NRXN1: variants seen among roughly 807,000 people sequenced by gnomAD.
NRXN1 encodes neurexin 1.
NRXN1 carries 39 observed loss-of-function variants against 150.9 expected under a neutral mutation model. The ratio of observed to expected loss-of-function variants is 0.26; its 90% confidence interval spans 0.20 to 0.34. The LOEUF (loss-of-function observed/expected upper bound fraction) is 0.34. NRXN1 is among the 10% of genes least tolerant of loss of function. The pLI is 1.00. For synonymous variants in NRXN1, 924 were observed against 757.0 expected (o/e 1.22, Z -3.62); for missense variants, 1,815 against 1,949.9 (o/e 0.93, Z 1.30).
rs1553513456 is a variant in NRXN1, at chr2:50,373,679, A to AAAGAAGGAAAG, written c.3364+91762_3364+91763insCTTTCCTTCTT. Among the ~76,000 whole-genome samples, 61 of 65,648 alleles carry AAAGAAGGAAAG rather than the reference A, an allele frequency of 9.3e-4. 1 individual carries two copies. The highest frequency in any genetic ancestry group is 3.5e-3 in the African/African-American group (58 of 16,626). The allele number at this position is 65,648 out of a possible 152,430, so 43.1% of individuals were successfully genotyped here. ...GAAAGAAAGAAAGAAAGAAAGAAAG[A>AAAGAAGGAAAG]AAAGAAAGAAGGAAAGAAAGAAAGA... is the stretch of plus-strand genomic sequence containing the variant. On this transcript the variant is annotated intron_variant, in intron 17 of 22. Transcript: ENST00000401669.
At chr2:50,438,437 C>A (rs1359071340) in intron 17 of NRXN1, among the ~76,000 whole-genome samples, 2 of 151,966 alleles carry the variant, frequency 1.3e-5, no homozygotes, top group Admixed American at 1.3e-4. Flanking sequence ...TGCACTGGAA[C>A]TGGGGGGAGT....
At chr2:50,467,922 G>C (rs1056954939) in intron 16 of NRXN1, among the ~76,000 whole-genome samples, 1 of 151,420 alleles carries the variant, frequency 6.6e-6, no homozygotes, top group Non-Finnish European at 1.5e-5. Flanking sequence ...TTTAATTTTT[G>C]TTCCAAACTG....
chr2:50,556,471 G>T (rs1304770093), intron 8 of NRXN1, among the ~76,000 whole-genome samples: 1 of 147,434 alleles, frequency 6.8e-6, no homozygotes, highest in African/African-American at 2.5e-5. Context: ...ATTTGGATCT[G>T]TTTATAGAAC....
intron 18 of NRXN1, among the ~76,000 whole-genome samples, chr2:50,133,429 T>C (rs919538078): frequency 6.6e-6 from 1 of 152,202 alleles, no homozygotes; most frequent in African/African-American, 2.4e-5. Flanking sequence ...GAAATAATTG[T>C]GCTTATAACA....
intron 5 of NRXN1, among the ~76,000 whole-genome samples, chr2:50,845,105 A>G (rs1673449592): frequency 6.6e-6 from 1 of 152,020 alleles, no homozygotes; most frequent in South Asian, 2.1e-4. Flanking sequence ...ATCCTCCCTC[A>G]TCAGCCTCCC....
chr2:50,653,930 A>G (rs1333567793), intron 5 of NRXN1, among the ~76,000 whole-genome samples: 7 of 148,440 alleles, frequency 4.7e-5, no homozygotes, highest in Admixed American at 4.7e-4. Flanking sequence ...GCATACAGGT[A>G]GAATCTCACT....
At chr2:50,036,648 G>A (rs1690089596) in intron 21 of NRXN1, among the ~76,000 whole-genome samples, 2 of 152,062 alleles carry the variant, frequency 1.3e-5, no homozygotes, top group South Asian at 2.1e-4. Context: ...TACAAACATG[G>A]CCAAAATTCT....
At chr2:50,072,512 G>T (rs1390491588) in intron 19 of NRXN1, among the ~76,000 whole-genome samples, 1 of 142,416 alleles carries the variant, frequency 7.0e-6, no homozygotes, top group Non-Finnish European at 1.5e-5. Context: ...TTTATCCTTA[G>T]GAACTGCCTA....
chr2:50,059,101 A>T (rs1694089577), intron 19 of NRXN1, among the ~76,000 whole-genome samples: 1 of 152,224 alleles, frequency 6.6e-6, no homozygotes, highest in Non-Finnish European at 1.5e-5. Context: ...AGACAAAGAC[A>T]GGAAGATGTG....
intron 21 of NRXN1, among the ~76,000 whole-genome samples, chr2:49,988,074 C>G (rs2152516504): frequency 6.6e-6 from 1 of 152,114 alleles, no homozygotes; most frequent in East Asian, 1.9e-4. Context: ...CACTTAGTAA[C>G]TTGGAAATGA....
intron 18 of NRXN1, among the ~76,000 whole-genome samples, chr2:50,113,439 T>C (rs1702635196): frequency 6.6e-6 from 1 of 152,334 alleles, no homozygotes; most frequent in South Asian, 2.1e-4. Flanking sequence ...TGAATTAATA[T>C]CTGCTTTTCT....
Position 50,538,615 on chromosome 2 carries a change from A to G in NRXN1, c.1781T>C (p.Leu594Ser), listed in dbSNP as rs766605623. The change falls in exon 10 of 23, where the codon TTG (leucine) becomes TCG (serine). Residue 594 changes from leucine (L) to serine (S), a missense_variant. Leu to Ser is a moderately radical substitution (Grantham distance 145, BLOSUM62 -2). Coordinates refer to ENST00000401669, the MANE Select transcript of NRXN1 (RefSeq NM_001330078.2). ...ACCAGGAGCAGTGTAGGGAGTACGC[A>G]ACGTGTTGACAGAAATGGTACCTAT... ...GRSGTISVNT[L>S]RTPYTAPGES... 1 of 1,499,382 alleles carries G rather than the reference A, an allele frequency of 6.7e-7. No individual in the cohort carries two copies. The highest frequency in any genetic ancestry group is 8.9e-7 in the Non-Finnish European group (1 of 1,122,724). 92.9% of individuals were successfully genotyped at this position (1,499,382 alleles called of 1,614,324 possible). A position where few individuals can be genotyped will look rare whatever the true frequency, so the allele number is the denominator to read the frequency against.
intron 5 of NRXN1, among the ~76,000 whole-genome samples, chr2:50,840,674 T>G (rs1464319026): frequency 6.6e-6 from 1 of 152,134 alleles, no homozygotes; most frequent in Non-Finnish European, 1.5e-5. Flanking sequence ...AGAAGCGACA[T>G]GGACAAGTAA....
At chr2:50,471,842 A>T (rs1183283139) in intron 16 of NRXN1, among the ~76,000 whole-genome samples, 1 of 151,836 alleles carries the variant, frequency 6.6e-6, no homozygotes, top group Non-Finnish European at 1.5e-5. Context: ...ACACAAGTTG[A>T]CCTACATAAC....
chr2:50,891,064 CAAA>C (rs1680983571), intron 5 of NRXN1, among the ~76,000 whole-genome samples: 2 of 151,870 alleles, frequency 1.3e-5, no homozygotes, highest in Non-Finnish European at 2.9e-5. Context: ...TACTTCTGGC[CAAA>C]GGATACTCCA....
rs1554165002 is a variant in NRXN1, at chr2:50,865,669, T to TTTTG, written c.832+56199_832+56200insCAAA. ...GTAAGCATTTGAAAGTTTTTTTTTT[T>TTTTG]TTTTTTTTTTTTTTTTTGGTGGTGG... On this transcript the variant is annotated intron_variant, in intron 5 of 22. Transcript: ENST00000401669. Among the ~76,000 whole-genome samples, 2 of 133,032 alleles carry TTTTG rather than the reference T, an allele frequency of 1.5e-5. 1 individual carries two copies. Among genetic ancestry groups the TTTTG allele is most frequent in the Non-Finnish European group, 3.3e-5 (2 of 61,354 alleles). The allele number at this position is 133,032 out of a possible 152,430, so 87.3% of individuals were successfully genotyped here.
chr2:50,603,782 C>G (rs933191493), intron 8 of NRXN1, among the ~76,000 whole-genome samples: 2 of 152,136 alleles, frequency 1.3e-5, no homozygotes, highest in African/African-American at 4.8e-5. Flanking sequence ...GATGAAAACC[C>G]TAGTGCTCAT....
intron 5 of NRXN1, among the ~76,000 whole-genome samples, chr2:50,657,783 G>A (rs1686705899): frequency 6.6e-6 from 1 of 151,938 alleles, no homozygotes; most frequent in South Asian, 2.1e-4. Context: ...AAATCACAAG[G>A]ATAATCTGTT....
At chr2:50,971,537 T>C (rs1985832) in intron 2 of NRXN1, among the ~76,000 whole-genome samples, 59,170 of 151,870 alleles carry the variant, frequency 0.39, 11,966 homozygotes, top group Non-Finnish European at 0.45. Flanking sequence ...GAGCCGAGAT[T>C]GTGTCATTGC....
Sources: gnomAD v4.1 joint callset for allele counts (sites outside exome capture counted in the v4.1 genomes callset) on GRCh38, gnomAD v4.1.1 for gene constraint, MANE v1.5 for transcripts, NCBI Gene and HGNC (gene_info 2026-07-23, HGNC 2026-07-21) for gene names.